Variants in HTR1F observed in about 807,000 individuals in gnomAD.
HTR1F encodes 5-hydroxytryptamine (serotonin) receptor 1F, G protein-coupled.
HTR1F carries 17 observed loss-of-function variants against 24.0 expected under a neutral mutation model. That is an observed-to-expected ratio of 0.71 (90% CI 0.48 to 1.06). The LOEUF is 1.06. Among genes scored for constraint, HTR1F ranks in the 50% least tolerant of loss-of-function variants. The pLI is 0.00. For missense variants in HTR1F, 391 were observed against 427.8 expected (o/e 0.91, Z 0.76); for synonymous variants, 186 against 156.8 (o/e 1.19, Z -1.39).
Position 87,992,795 on chromosome 3 carries a change from A to G in HTR1F, c.*945A>G, listed in dbSNP as rs1475330041. 1 of 166,948 alleles carries G rather than the reference A, an allele frequency of 6.0e-6. No individual in the cohort carries two copies. The highest frequency in any genetic ancestry group is 2.4e-5 in the African/African-American group (1 of 41,454). 10.3% of individuals were successfully genotyped at this position (166,948 alleles called of 1,614,324 possible). On this transcript the variant is annotated 3_prime_UTR_variant, in exon 3 of 3. Coordinates refer to ENST00000319595, the MANE Select transcript of HTR1F (RefSeq NM_001322209.2). The stretch of plus-strand genomic sequence containing the variant: ...TATTTTGCACTTCAGTATTTTCCAT[A>G]CCTTTGATTTCAACATTATTTCCCG...
At chr3:87,844,127 A>G (rs1161734436) in intron 2 of HTR1F, among the ~76,000 whole-genome samples, 16 of 151,552 alleles carry the variant, frequency 1.1e-4, no homozygotes, top group Non-Finnish European at 4.4e-5. Context: ...TGGTTGAACT[A>G]GTTTACAGTC....
At chr3:87,801,099 T>A (rs2107066030) in intron 1 of HTR1F, among the ~76,000 whole-genome samples, 1 of 152,336 alleles carries the variant, frequency 6.6e-6, no homozygotes, top group African/African-American at 2.4e-5. Context: ...TTTCCTTATG[T>A]CAAACTTTCA....
At chr3:87,927,642 T>C (rs1283112517) in intron 2 of HTR1F, among the ~76,000 whole-genome samples, 1 of 152,184 alleles carries the variant, frequency 6.6e-6, no homozygotes, top group Non-Finnish European at 1.5e-5. Flanking sequence ...GTAATACAAA[T>C]TTATTCTGGC....
At chr3:87,844,209 T>C (rs888700539) in intron 2 of HTR1F, among the ~76,000 whole-genome samples, 23 of 151,908 alleles carry the variant, frequency 1.5e-4, no homozygotes, top group Non-Finnish European at 2.9e-4. Context: ...GACTTTTTAA[T>C]GATTGCCATT....
At chr3:87,880,835 C>T (rs1449931258) in intron 2 of HTR1F, among the ~76,000 whole-genome samples, 2 of 152,108 alleles carry the variant, frequency 1.3e-5, no homozygotes, top group Non-Finnish European at 1.5e-5. Flanking sequence ...GGATTTTCAA[C>T]GTAAACAGTT....
chr3:87,842,575 T>TG (rs1287955635), intron 2 of HTR1F, among the ~76,000 whole-genome samples: 3 of 151,892 alleles, frequency 2.0e-5, no homozygotes, highest in African/African-American at 7.3e-5. Context: ...AATAATTTCC[T>TG]GGGGAAAAAA....
At chr3:87,895,125 G>C (rs1386600442) in intron 2 of HTR1F, among the ~76,000 whole-genome samples, 5 of 152,194 alleles carry the variant, frequency 3.3e-5, no homozygotes, top group African/African-American at 1.2e-4. Flanking sequence ...TGAAGTCACA[G>C]ATGTAGGTTT....
intron 1 of HTR1F, among the ~76,000 whole-genome samples, chr3:87,797,538 G>A (rs1227140863): frequency 1.3e-5 from 2 of 152,094 alleles, no homozygotes; most frequent in African/African-American, 2.4e-5. Context: ...AAGGAAACTG[G>A]ATGGTAGGGT....
intron 2 of HTR1F, among the ~76,000 whole-genome samples, chr3:87,933,635 T>A (rs1016598026): frequency 6.6e-6 from 1 of 152,014 alleles, no homozygotes; most frequent in African/African-American, 2.4e-5. Context: ...TACTTAGGAA[T>A]CCAACTTGCA....
intron 2 of HTR1F, among the ~76,000 whole-genome samples, chr3:87,953,698 C>A (rs1350261449): frequency 6.6e-6 from 1 of 151,562 alleles, no homozygotes; most frequent in Non-Finnish European, 1.5e-5. Flanking sequence ...TTATCAAAAG[C>A]AAAGAAAATC....
At chr3:87,815,594 TTGA>T (rs1162827237) in intron 1 of HTR1F, among the ~76,000 whole-genome samples, 1 of 152,150 alleles carries the variant, frequency 6.6e-6, no homozygotes, top group Non-Finnish European at 1.5e-5. Context: ...CCAGTTTACC[TTGA>T]TGATCTAAGG....
intron 1 of HTR1F, among the ~76,000 whole-genome samples, chr3:87,807,844 T>TCCATGAC (rs1704098404): frequency 6.6e-6 from 1 of 152,040 alleles, no homozygotes; most frequent in East Asian, 1.9e-4. Context: ...TGATGAATTT[T>TCCATGAC]ATTAAATGCT....
In HTR1F at chr3:87,907,201, T is replaced by A. The variant is rs185057277; in HGVS notation, c.-42-83507T>A. Among the ~76,000 whole-genome samples the A allele has an allele frequency of 5.3e-5, 8 of 151,804 alleles. No individual in the cohort carries two copies. The South Asian group carries it at 1.0e-3, about 20-fold the overall frequency. ...ACCACATCTATGCCAACATTTATTT[T>A]TTTTTTTGATTATTGGTCATTCTTG... On this transcript the variant is annotated intron_variant, in intron 2 of 2. Transcript: ENST00000319595.
intron 2 of HTR1F, among the ~76,000 whole-genome samples, chr3:87,975,999 A>G (rs1355100628): frequency 1.3e-5 from 2 of 152,234 alleles, no homozygotes; most frequent in Non-Finnish European, 2.9e-5. Flanking sequence ...CCAAGCCATG[A>G]GTGCCCGATA....
intron 2 of HTR1F, among the ~76,000 whole-genome samples, chr3:87,952,106 G>A (rs1704846878): frequency 6.6e-6 from 1 of 151,586 alleles, no homozygotes; most frequent in African/African-American, 2.4e-5. Context: ...TTTCAAAGTG[G>A]CATTAACTCA....
intron 2 of HTR1F, among the ~76,000 whole-genome samples, chr3:87,853,684 T>C (rs765993750): frequency 5.9e-5 from 9 of 152,100 alleles, no homozygotes; most frequent in African/African-American, 1.7e-4. Flanking sequence ...CCACCAACAG[T>C]GTATAAGCGT....
chr3:87,859,368 C>T (rs537465184), intron 2 of HTR1F, among the ~76,000 whole-genome samples: 1 of 152,274 alleles, frequency 6.6e-6, no homozygotes, highest in African/African-American at 2.4e-5. Context: ...GACAAGAAGA[C>T]CAGCTGGTTT....
chr3:87,924,638 G>A (rs969630445), intron 2 of HTR1F, among the ~76,000 whole-genome samples: 1 of 152,040 alleles, frequency 6.6e-6, no homozygotes, highest in Non-Finnish European at 1.5e-5. Context: ...AGCATTGCTG[G>A]GTACACTATT....
intron 2 of HTR1F, among the ~76,000 whole-genome samples, chr3:87,897,705 A>G (rs964535190): frequency 1.1e-4 from 16 of 151,994 alleles, no homozygotes; most frequent in African/African-American, 3.9e-4. Context: ...GAAAGCACAC[A>G]TGTGGACTTT....
Sources: allele counts gnomAD v4.1 joint callset (sites outside exome capture counted in the v4.1 genomes callset), GRCh38; gene constraint gnomAD v4.1.1; transcripts MANE v1.5; gene names NCBI Gene and HGNC (gene_info 2026-07-23, HGNC 2026-07-21).